Variants in IKZF1 observed in about 807,000 individuals in gnomAD.
The protein encoded by IKZF1 is DNA-binding protein Ikaros.
IKZF1 carries 10 observed loss-of-function variants against 51.7 expected under a neutral mutation model. That is an observed-to-expected ratio of 0.19 (90% CI 0.12 to 0.33). The LOEUF is 0.33. IKZF1 is among the 10% of genes least tolerant of loss of function. The pLI is 1.00. For synonymous variants in IKZF1, 280 were observed against 282.3 expected (o/e 0.99, Z 0.08); for missense variants, 484 against 707.5 (o/e 0.68, Z 3.58).
chr7:50,398,231 C>T (rs924942116), intron 7 of IKZF1, among the ~76,000 whole-genome samples: 2 of 152,224 alleles, frequency 1.3e-5, no homozygotes, highest in Non-Finnish European at 2.9e-5. Flanking sequence ...TTTTGCCCCT[C>T]TTCAAGCTGT....
chr7:50,333,654 C>T (rs1027440168), intron 3 of IKZF1, among the ~76,000 whole-genome samples: 4 of 152,170 alleles, frequency 2.6e-5, no homozygotes, highest in Non-Finnish European at 4.4e-5. Context: ...AACTGTTTGC[C>T]GAACTTCAAG....
upstream of IKZF1, chr7:50,303,999 T>A (rs1474716086): frequency 7.0e-6 from 1 of 143,002 alleles, no homozygotes; most frequent in African/African-American, 2.5e-5. The surrounding 1 kb of genome is among the most constrained non-coding windows in gnomAD (Gnocchi z 4.7). Context: ...TGCGCTGGAA[T>A]GAGGAAGCGC....
chr7:50,372,655 ACT>A lies in IKZF1; in HGVS notation c.161-3875_161-3874del, dbSNP rs531501532. Among the ~76,000 whole-genome samples the A allele has an allele frequency of 2.0e-3, 301 of 151,880 alleles. 1 individual carries two copies. Among genetic ancestry groups the A allele is most frequent in the African/African-American group, 7.1e-3 (292 of 41,404 alleles). On this transcript the variant is annotated intron_variant, in intron 3 of 7. Coordinates refer to ENST00000331340, the MANE Select transcript of IKZF1 (RefSeq NM_006060.6). Reference sequence around the variant, plus strand: ...CAGTGTCCTTAATTTTCCTCTTCAAACTCTATATATTCCTGAGCTGATCATCC... The same window carrying A: ...CAGTGTCCTTAATTTTCCTCTTCAAACTATATATTCCTGAGCTGATCATCC...
At chr7:50,307,173 G>A (rs573936475) in intron 1 of IKZF1, among the ~76,000 whole-genome samples, 12 of 152,208 alleles carry the variant, frequency 7.9e-5, no homozygotes, top group East Asian at 3.9e-4. Flanking sequence ...CATAAATAAC[G>A]TTTTTTGAGT....
chr7:50,326,384 G>A (rs1795021143), intron 2 of IKZF1, among the ~76,000 whole-genome samples: 1 of 152,130 alleles, frequency 6.6e-6, no homozygotes, highest in Admixed American at 6.5e-5. Flanking sequence ...ACTTCTTCAG[G>A]ACCTTCATCT....
intron 1 of IKZF1, among the ~76,000 whole-genome samples, chr7:50,307,748 T>C (rs1318037646): frequency 6.6e-6 from 1 of 152,242 alleles, no homozygotes; most frequent in Non-Finnish European, 1.5e-5. Context: ...TGTACATTTT[T>C]GATCTAGGTC....
At chr7:50,330,709 G>A (rs975254792) in intron 3 of IKZF1, among the ~76,000 whole-genome samples, 1 of 152,148 alleles carries the variant, frequency 6.6e-6, no homozygotes, top group Non-Finnish European at 1.5e-5. Flanking sequence ...AATATAAAAA[G>A]GTAGGGGAAT....
chr7:50,371,647 C>A (rs893386879), intron 3 of IKZF1, among the ~76,000 whole-genome samples: 3 of 152,220 alleles, frequency 2.0e-5, no homozygotes, highest in Non-Finnish European at 4.4e-5. Context: ...ACTTCTTGCC[C>A]TCATCTCCCA....
At chr7:50,315,033 G>T (rs957546229) in intron 1 of IKZF1, among the ~76,000 whole-genome samples, 1 of 152,264 alleles carries the variant, frequency 6.6e-6, no homozygotes, top group Non-Finnish European at 1.5e-5. Context: ...GGCCCACACG[G>T]CCTGGAAGAG....
intron 6 of IKZF1, chr7:50,388,529 G>T (rs149313604): frequency 5.3e-5 from 8 of 152,234 alleles, no homozygotes; most frequent in Admixed American, 5.2e-4. Flanking sequence ...CTGCCAGTCA[G>T]CCAGGGATCT....
intron 2 of IKZF1, 54 bp from the exon 3 acceptor site, chr7:50,327,584 C>A: frequency 6.5e-7 from 1 of 1,530,144 alleles, no homozygotes; most frequent in South Asian, 1.2e-5. Context: ...CCGGGGGAAG[C>A]CCAGGCACCT....
chr7:50,361,252 A>G (rs1461264619), intron 3 of IKZF1, among the ~76,000 whole-genome samples: 1 of 152,130 alleles, frequency 6.6e-6, no homozygotes, highest in Non-Finnish European at 1.5e-5. Flanking sequence ...TCTTCTTTGC[A>G]TATGATTCTC....
intron 2 of IKZF1, among the ~76,000 whole-genome samples, chr7:50,323,510 A>G (rs1283856447): frequency 2.6e-5 from 4 of 152,264 alleles, no homozygotes; most frequent in Admixed American, 6.5e-5. Context: ...AGCTAATTAT[A>G]CCATATCTCA....
intron 3 of IKZF1, chr7:50,328,016 G>A (rs1032274385): frequency 1.6e-5 from 7 of 433,260 alleles, no homozygotes; most frequent in East Asian, 8.1e-5. Flanking sequence ...CCAGGGACGC[G>A]TCTCTGTCAC....
chr7:50,353,351 C>T (rs1424467030), intron 3 of IKZF1, among the ~76,000 whole-genome samples: 4 of 152,226 alleles, frequency 2.6e-5, no homozygotes, highest in Non-Finnish European at 4.4e-5. Context: ...CAGCCAAAAG[C>T]TCCTTCCCCT....
At chr7:50,377,553 C>T (rs1157886508) in intron 4 of IKZF1, among the ~76,000 whole-genome samples, 7 of 152,216 alleles carry the variant, frequency 4.6e-5, no homozygotes, top group South Asian at 4.1e-4. Flanking sequence ...GGGAACACGG[C>T]GAGCCCCAGC....
In IKZF1 at chr7:50,376,625, C is replaced by G; in HGVS notation, c.253C>G (p.Leu85Val). The G allele has an allele frequency of 6.2e-7, 1 of 1,613,988 alleles. No individual in the cohort carries two copies. Residue 85 changes from leucine (L) to valine (V), a missense_variant, in exon 4 of 8, where the codon CTT becomes GTT. Coordinates refer to ENST00000331340, the MANE Select transcript of IKZF1 (RefSeq NM_006060.6). The surrounding 1 kb of genome is among the most constrained non-coding windows in gnomAD (Gnocchi z 4.5). ...GEECAEDLRM[L>V]DASGEKMNGS... ...AGAATGTGCGGAGGATTTACGAATG[C>G]TTGATGCCTCGGGAGAGAAAATGAA...
chr7:50,384,191 T>C (rs750092663), intron 5 of IKZF1, among the ~76,000 whole-genome samples: 1 of 152,186 alleles, frequency 6.6e-6, no homozygotes, highest in Non-Finnish European at 1.5e-5. Flanking sequence ...GAGTCGGCAG[T>C]AATCCCAGAG....
chr7:50,336,818 G>C (rs1797902113), intron 3 of IKZF1, among the ~76,000 whole-genome samples: 1 of 152,174 alleles, frequency 6.6e-6, no homozygotes, highest in Non-Finnish European at 1.5e-5. Context: ...TGGAAGGTAG[G>C]GATGTAAGTC....
Sources: allele counts gnomAD v4.1 joint callset (sites outside exome capture counted in the v4.1 genomes callset), GRCh38; gene constraint gnomAD v4.1.1; non-coding constraint Gnocchi (gnomAD v3.1); transcripts MANE v1.5; gene names NCBI Gene and HGNC (gene_info 2026-07-23, HGNC 2026-07-21).